The following ADARB2 variants were observed in gnomAD, a reference collection of about 807,000 sequenced individuals.
ADARB2 encodes adenosine deaminase RNA specific B2 (inactive), also known as inactive double-stranded RNA-specific editase B2.
Under a neutral mutation model 62.2 loss-of-function variants are expected in ADARB2, and 25 were observed. The ratio of observed to expected loss-of-function variants is 0.40; its 90% confidence interval spans 0.29 to 0.56. ADARB2 has a LOEUF of 0.56. Among genes scored for constraint, ADARB2 ranks in the 20% least tolerant of loss-of-function variants. The pLI is 0.43. For synonymous variants in ADARB2, 572 were observed against 500.8 expected (o/e 1.14, Z -1.90); for missense variants, 1,071 against 1,077.4 (o/e 0.99, Z 0.08).
At chr10:1,299,493 C>T (rs760582344) in intron 3 of ADARB2, among the ~76,000 whole-genome samples, 3 of 152,174 alleles carry the variant, frequency 2.0e-5, no homozygotes, top group African/African-American at 4.8e-5. Flanking sequence ...AAGTGTGCAG[C>T]CCCGTATGTC....
At chr10:1,527,139 G>T (rs950727693) in intron 1 of ADARB2, among the ~76,000 whole-genome samples, 6 of 152,166 alleles carry the variant, frequency 3.9e-5, no homozygotes, top group Non-Finnish European at 5.9e-5. Flanking sequence ...CAAAGGGAAA[G>T]AATTCTTACA....
At chr10:1,553,791 G>A (rs1334700558) in intron 1 of ADARB2, among the ~76,000 whole-genome samples, 1 of 152,124 alleles carries the variant, frequency 6.6e-6, no homozygotes, top group Non-Finnish European at 1.5e-5. Context: ...TAAGCGCAGC[G>A]ACCGTGGCAG....
At chr10:1,656,636 A>T (rs1337994389) in intron 1 of ADARB2, among the ~76,000 whole-genome samples, 1 of 151,986 alleles carries the variant, frequency 6.6e-6, no homozygotes, top group African/African-American at 2.4e-5. Flanking sequence ...TTCTCTTCAT[A>T]TTGGGGTGTT....
intron 1 of ADARB2, among the ~76,000 whole-genome samples, chr10:1,679,720 C>T (rs934293935): frequency 3.3e-5 from 5 of 152,290 alleles, no homozygotes; most frequent in East Asian, 1.9e-4. Flanking sequence ...GACACACACG[C>T]GGCGTCTAAG....
intron 1 of ADARB2, among the ~76,000 whole-genome samples, chr10:1,427,523 G>A (rs143513778): frequency 2.6e-5 from 4 of 152,346 alleles, no homozygotes; most frequent in African/African-American, 9.6e-5. Context: ...ACTACAGTGA[G>A]ATGTTACCAT....
intron 1 of ADARB2, among the ~76,000 whole-genome samples, chr10:1,457,093 A>G (rs1831104635): frequency 6.6e-6 from 1 of 152,220 alleles, no homozygotes. Flanking sequence ...AAGAGATGAC[A>G]TGGCACAATC....
intron 3 of ADARB2, among the ~76,000 whole-genome samples, chr10:1,275,503 T>G (rs1831306863): frequency 6.8e-6 from 1 of 146,080 alleles, no homozygotes; most frequent in Non-Finnish European, 1.5e-5. Context: ...TCTTTCTTTC[T>G]TTCCTTCTTT....
At chr10:1,686,652 GTC>G (rs1456690406) in intron 1 of ADARB2, among the ~76,000 whole-genome samples, 2 of 152,140 alleles carry the variant, frequency 1.3e-5, no homozygotes, top group Admixed American at 1.3e-4. Context: ...ACCCTGGCTT[GTC>G]TCTCTCTGCA....
Position 1,181,051 on chromosome 10 carries a change from A to G in ADARB2, c.*2142T>C, listed in dbSNP as rs4880485. On this transcript the variant is annotated 3_prime_UTR_variant, in exon 10 of 10. Coordinates refer to ENST00000381312, the MANE Select transcript of ADARB2 (RefSeq NM_018702.4). ...CCTGCGTCTTCCCTGTGACAGTGAA[A>G]TCTGCTTACAACACAGGCCCCCTCG... 0.33 allele frequency: 50,871 copies of G among 152,176 alleles called. 8,556 individuals are homozygous for G. Among genetic ancestry groups the G allele is most frequent in the Admixed American group, 0.4 (6,108 of 15,294 alleles). The allele number at this position is 152,176 out of a possible 1,614,324, so 9.4% of individuals were successfully genotyped here.
chr10:1,407,352 C>T (rs181939556), intron 1 of ADARB2, among the ~76,000 whole-genome samples: 8 of 152,296 alleles, frequency 5.3e-5, no homozygotes, highest in Admixed American at 6.5e-5. Flanking sequence ...ACGTCTCCGG[C>T]GTCCTTCTGA....
At chr10:1,559,618 G>A (rs771438174) in intron 1 of ADARB2, among the ~76,000 whole-genome samples, 1 of 152,200 alleles carries the variant, frequency 6.6e-6, no homozygotes, top group Non-Finnish European at 1.5e-5. Context: ...AGCCTGGGCC[G>A]GTGGGGGGTG....
Position 1,210,251 on chromosome 10 carries a change from C to A in ADARB2, c.1682+6700G>T, listed in dbSNP as rs142834600. On this transcript the variant is annotated intron_variant, in intron 7 of 9. Transcript: ENST00000381312. ...ACTTTCTGTACCTTAATGATACATA[C>A]AATTCTATCCATTTATTCTCATTTT... Among the ~76,000 whole-genome samples, 190 of 152,340 alleles carry A rather than the reference C, an allele frequency of 1.2e-3. 1 individual carries two copies. Among genetic ancestry groups the A allele is most frequent in the African/African-American group, 4.2e-3 (173 of 41,580 alleles).
At chr10:1,303,868 G>A (rs1181301134) in intron 3 of ADARB2, among the ~76,000 whole-genome samples, 2 of 150,936 alleles carry the variant, frequency 1.3e-5, no homozygotes, top group South Asian at 2.1e-4. Context: ...AGAGCTCCTG[G>A]AGGAAGCACT....
At chr10:1,230,832 G>A (rs1830797714) in intron 6 of ADARB2, among the ~76,000 whole-genome samples, 1 of 152,186 alleles carries the variant, frequency 6.6e-6, no homozygotes, top group Admixed American at 6.5e-5. Context: ...ACAGGCAGGA[G>A]TTTCTCAATT....
intron 1 of ADARB2, among the ~76,000 whole-genome samples, chr10:1,613,137 G>C (rs1037381143): frequency 6.6e-6 from 1 of 152,166 alleles, no homozygotes; most frequent in Admixed American, 6.6e-5. Context: ...AAACTTTACT[G>C]TTACCCTAAC....
chr10:1,560,007 G>A (rs1278486268), intron 1 of ADARB2, among the ~76,000 whole-genome samples: 1 of 152,174 alleles, frequency 6.6e-6, no homozygotes, highest in Non-Finnish European at 1.5e-5. Flanking sequence ...GGTGAAAACT[G>A]TCAGTGTAAA....
rs1252845827 is a variant in ADARB2 at position 1,208,361 on chromosome 10, G to A, written c.1683-8214C>T. On this transcript the variant is annotated intron_variant, in intron 7 of 9. Coordinates refer to ENST00000381312, the MANE Select transcript of ADARB2 (RefSeq NM_018702.4). ...GCAGGGTCGTGCTTTCCCTGGGTGC[G>A]TGTGGCTGGTGCCACCCCCCGGGGT... Among the ~76,000 whole-genome samples the A allele has an allele frequency of 3.3e-5, 5 of 152,298 alleles. No homozygotes were observed. The East Asian group carries it at 5.8e-4, about 18-fold the overall frequency.
chr10:1,425,737 T>C (rs1351397548), intron 1 of ADARB2, among the ~76,000 whole-genome samples: 2 of 152,260 alleles, frequency 1.3e-5, no homozygotes, highest in African/African-American at 2.4e-5. Context: ...CTGACTTCTC[T>C]TCCTTGTCAG....
chr10:1,646,079 C>T (rs1427005447), intron 1 of ADARB2, among the ~76,000 whole-genome samples: 2 of 152,164 alleles, frequency 1.3e-5, no homozygotes, highest in African/African-American at 2.4e-5. Flanking sequence ...CCAGGAAAGG[C>T]TCCCAGAGGG....
Sources: gnomAD v4.1 joint callset for allele counts (sites outside exome capture counted in the v4.1 genomes callset) on GRCh38, gnomAD v4.1.1 for gene constraint, MANE v1.5 for transcripts, NCBI Gene and HGNC (gene_info 2026-07-23, HGNC 2026-07-21) for gene names.